The following KREMEN1 variants were observed in gnomAD, a reference collection of about 807,000 sequenced individuals.
KREMEN1 encodes kremen protein 1.
In KREMEN1, 30 loss-of-function variants were observed where a neutral mutation model predicts 46.5. The observed-to-expected ratio is 0.65, with a 90% confidence interval of 0.48 to 0.88. The LOEUF (loss-of-function observed/expected upper bound fraction) is 0.88. Among genes scored for constraint, KREMEN1 ranks in the 40% least tolerant of loss-of-function variants. KREMEN1 has a pLI of 0.00. For missense variants in KREMEN1, 533 were observed against 596.9 expected, an observed-to-expected ratio of 0.89 and a Z score of 1.11; for synonymous variants, 214 against 230.6, an observed-to-expected ratio of 0.93 and a Z score of 0.65.
At position 29,146,359 on chromosome 22, in the gene KREMEN1, G is replaced by A. The variant is rs2038862775; in HGVS notation, c.*4247G>A. On this transcript the variant is annotated 3_prime_UTR_variant, in exon 9 of 9. Coordinates refer to ENST00000400335, the MANE Select transcript of KREMEN1 (RefSeq NM_001039570.3). ...GACAGGGCTTCACCCTCTGCCTGCA[G>A]ACCCCTGGTGGGCACATCTCACAGG... 1.0e-6 allele frequency: 1 copy of A among 985,786 alleles called. No individual in the cohort carries two copies. The highest frequency in any genetic ancestry group is 1.7e-5 in the African/African-American group (1 of 57,244). 61.1% of individuals were successfully genotyped at this position (985,786 alleles called of 1,614,324 possible).
At chr22:29,131,800 A>G (rs2038564048) in intron 5 of KREMEN1, among the ~76,000 whole-genome samples, 1 of 144,776 alleles carries the variant, frequency 6.9e-6, no homozygotes, top group South Asian at 2.1e-4. Context: ...GTTTTGCAGA[A>G]TATTATATAA....
intron 1 of KREMEN1, among the ~76,000 whole-genome samples, chr22:29,084,529 T>G (rs1221104897): frequency 2.0e-5 from 3 of 152,184 alleles, no homozygotes; most frequent in Admixed American, 6.5e-5. Context: ...TGGCATGTTT[T>G]CCAGGGGGCC....
chr22:29,143,601 G>T lies in KREMEN1; in HGVS notation c.*1489G>T. On this transcript the variant is annotated 3_prime_UTR_variant, in exon 9 of 9. Coordinates refer to ENST00000400335, the MANE Select transcript of KREMEN1 (RefSeq NM_001039570.3). ...ACTAAAAATACAAAAAATTAGCTGG[G>T]TGTGGTGGTGGGCGCCTGTAGTCCC... 1.5e-6 allele frequency: 1 copy of T among 647,086 alleles called. No homozygotes were observed. The highest frequency in any genetic ancestry group is 6.3e-5 in the Admixed American group (1 of 15,920). 40.1% of individuals were successfully genotyped at this position (647,086 alleles called of 1,614,324 possible). A position where few individuals can be genotyped will look rare whatever the true frequency, so the allele number is the denominator to read the frequency against.
At chr22:29,089,329 C>G (rs2037774672) in intron 1 of KREMEN1, among the ~76,000 whole-genome samples, 1 of 152,162 alleles carries the variant, frequency 6.6e-6, no homozygotes, top group Non-Finnish European at 1.5e-5. Context: ...GCTGGTTGCT[C>G]AGGCCCCTTT....
downstream of KREMEN1, among the ~76,000 whole-genome samples, chr22:29,146,999 G>A (rs1197207066): frequency 6.6e-6 from 1 of 151,986 alleles, no homozygotes; most frequent in Non-Finnish European, 1.5e-5. Context: ...ACCCACAGCC[G>A]ACCTTCAGCT....
chr22:29,165,069 A>G (rs1222781687), intron 9 of KREMEN1, among the ~76,000 whole-genome samples: 1 of 152,112 alleles, frequency 6.6e-6, no homozygotes, highest in East Asian at 1.9e-4. Flanking sequence ...GCTGCTCAGG[A>G]GGCTGAGGCA....
downstream of KREMEN1, among the ~76,000 whole-genome samples, chr22:29,149,599 G>A (rs563550729): frequency 6.6e-6 from 1 of 152,162 alleles, no homozygotes; most frequent in Non-Finnish European, 1.5e-5. Context: ...AACAAACAGG[G>A]CGGCCTTGCT....
chr22:29,078,626 T>A (rs2037609635), intron 1 of KREMEN1, among the ~76,000 whole-genome samples: 1 of 152,274 alleles, frequency 6.6e-6, no homozygotes, highest in Non-Finnish European at 1.5e-5. Context: ...TTATTTTGTT[T>A]TAATTAAAAC....
At chr22:29,102,960 C>T (rs897778572) in intron 3 of KREMEN1, among the ~76,000 whole-genome samples, 6 of 152,120 alleles carry the variant, frequency 3.9e-5, no homozygotes, top group South Asian at 4.1e-4. Flanking sequence ...CCCATCAAGC[C>T]GGACCTCAGA....
At chr22:29,147,164 C>CT (rs1168613094), downstream of KREMEN1, among the ~76,000 whole-genome samples, 11 of 152,212 alleles carry the variant, frequency 7.2e-5, no homozygotes, top group African/African-American at 2.7e-4. Flanking sequence ...GCTTCCCCAT[C>CT]TGAAAAGGGT....
At chr22:29,139,922 C>T (rs886374829) in intron 7 of KREMEN1, among the ~76,000 whole-genome samples, 3 of 152,142 alleles carry the variant, frequency 2.0e-5, no homozygotes, top group Non-Finnish European at 4.4e-5. Flanking sequence ...TCTCATTCCT[C>T]GGATGAGGAA....
chr22:29,159,453 T>C (rs2038991939), intron 9 of KREMEN1, among the ~76,000 whole-genome samples: 1 of 151,810 alleles, frequency 6.6e-6, no homozygotes, highest in Admixed American at 6.6e-5. Context: ...ACCCTATCTC[T>C]ACTAAAAATA....
At chr22:29,130,711 A>C (rs1256329165) in intron 5 of KREMEN1, among the ~76,000 whole-genome samples, 4 of 152,208 alleles carry the variant, frequency 2.6e-5, no homozygotes, top group Non-Finnish European at 5.9e-5. Context: ...CTTCCCAAAG[A>C]AATGGACTCA....
At chr22:29,139,585 A>G (rs2038728193) in intron 7 of KREMEN1, among the ~76,000 whole-genome samples, 1 of 152,166 alleles carries the variant, frequency 6.6e-6, no homozygotes. Context: ...CCTGGGTGAC[A>G]GAATGAGACC....
chr22:29,083,531 G>C (rs1461705955), intron 1 of KREMEN1, among the ~76,000 whole-genome samples: 1 of 152,210 alleles, frequency 6.6e-6, no homozygotes, highest in Non-Finnish European at 1.5e-5. Context: ...CTTGGATCTT[G>C]CATAAGAAAG....
At chr22:29,147,287 A>C (rs1398853631), downstream of KREMEN1, among the ~76,000 whole-genome samples, 2 of 152,212 alleles carry the variant, frequency 1.3e-5, no homozygotes, top group African/African-American at 4.8e-5. Context: ...CAGAGCAACC[A>C]GTTCTTCCTC....
At chr22:29,079,474 T>G (rs1253064673) in intron 1 of KREMEN1, among the ~76,000 whole-genome samples, 1 of 152,228 alleles carries the variant, frequency 6.6e-6, no homozygotes, top group Non-Finnish European at 1.5e-5. Flanking sequence ...GCATTAAACT[T>G]TTATTGTTCA....
intron 3 of KREMEN1, among the ~76,000 whole-genome samples, chr22:29,105,175 G>A (rs189051615): frequency 3.3e-5 from 5 of 152,310 alleles, no homozygotes; most frequent in Admixed American, 3.3e-4. Flanking sequence ...GGAGGCAGGG[G>A]CTACTGTCTG....
chr22:29,139,746 G>A (rs2038731578), intron 7 of KREMEN1, among the ~76,000 whole-genome samples: 1 of 152,300 alleles, frequency 6.6e-6, no homozygotes, highest in African/African-American at 2.4e-5. Context: ...TTTATGAGCT[G>A]GTAGAACTGG....
Sources: gnomAD v4.1 joint callset for allele counts (sites outside exome capture counted in the v4.1 genomes callset) on GRCh38, gnomAD v4.1.1 for gene constraint, MANE v1.5 for transcripts, NCBI Gene and HGNC (gene_info 2026-07-23, HGNC 2026-07-21) for gene names.